SMYD3: variants seen among roughly 807,000 people sequenced by gnomAD.
SMYD3 encodes SET and MYND domain containing 3.
SMYD3 carries 36 observed loss-of-function variants against 57.7 expected under a neutral mutation model. The observed-to-expected ratio is 0.62, with a 90% CI of 0.48 to 0.82. SMYD3 has a LOEUF of 0.82. Among genes scored for constraint, SMYD3 ranks in the 40% least tolerant of loss-of-function variants. The probability of loss-of-function intolerance (pLI) is 0.00; values close to 1 mark genes in which losing one functional copy is unlikely to be tolerated. For synonymous variants in SMYD3, 211 were observed against 195.0 expected (o/e 1.08, Z -0.68); for missense variants, 515 against 538.8 (o/e 0.96, Z 0.44).
At chr1:245,827,749 A>G (rs1257597000) in intron 10 of SMYD3, among the ~76,000 whole-genome samples, 1 of 152,220 alleles carries the variant, frequency 6.6e-6, no homozygotes, top group Admixed American at 6.5e-5. Context: ...TATGCAATCT[A>G]AGAGCTGGGT....
chr1:246,236,087 A>C (rs968159733), intron 5 of SMYD3, among the ~76,000 whole-genome samples: 2 of 152,204 alleles, frequency 1.3e-5, no homozygotes, highest in Non-Finnish European at 2.9e-5. Flanking sequence ...CAGAACACTC[A>C]AACTCTATAC....
chr1:246,450,077 C>T (rs1455584008), intron 1 of SMYD3, among the ~76,000 whole-genome samples: 4 of 152,110 alleles, frequency 2.6e-5, no homozygotes, highest in South Asian at 2.1e-4. Context: ...CACCTGAGGT[C>T]GGGAGTTCGA....
chr1:246,477,056 C>A (rs2068038548), intron 1 of SMYD3, among the ~76,000 whole-genome samples: 1 of 152,214 alleles, frequency 6.6e-6, no homozygotes, highest in Admixed American at 6.5e-5. Context: ...TTAAAGACAT[C>A]TCTGATGTGA....
intron 5 of SMYD3, among the ~76,000 whole-genome samples, chr1:246,049,610 T>C (rs575418775): frequency 6.3e-4 from 96 of 152,266 alleles, no homozygotes; most frequent in Middle Eastern, 3.4e-3. Flanking sequence ...CGGCCCATAC[T>C]ATGTGTTTTA....
At chr1:246,287,895 C>T (rs73142851) in intron 5 of SMYD3, among the ~76,000 whole-genome samples, 1 of 151,914 alleles carries the variant, frequency 6.6e-6, no homozygotes, top group African/African-American at 2.4e-5. Context: ...GGGCTGAAAA[C>T]GGAATGAGAA....
At chr1:246,328,997 A>G (rs997934561) in intron 4 of SMYD3, among the ~76,000 whole-genome samples, 1 of 152,138 alleles carries the variant, frequency 6.6e-6, no homozygotes, top group Non-Finnish European at 1.5e-5. Flanking sequence ...AATTTCATCC[A>G]TGTCCCTACA....
At chr1:246,383,836 T>A (rs1481012393) in intron 1 of SMYD3, among the ~76,000 whole-genome samples, 2 of 152,240 alleles carry the variant, frequency 1.3e-5, no homozygotes. Flanking sequence ...CCAACATGTT[T>A]GTTTCTCCTG....
chr1:246,011,233 G>A (rs939359691), intron 5 of SMYD3, among the ~76,000 whole-genome samples: 1 of 152,136 alleles, frequency 6.6e-6, no homozygotes, highest in Non-Finnish European at 1.5e-5. Flanking sequence ...ATTGCCAAAG[G>A]TTGAAAAACA....
rs377536031 is a variant in SMYD3, at chr1:245,807,821, A to C, written c.1077-43672T>G. ...GTTTGTAATTTCCCAGGGAAAAAAA[A>C]AAAAAACAAAAAACAAAAAAACAGA... is the stretch of plus-strand genomic sequence containing the variant. On this transcript the variant is annotated intron_variant, in intron 10 of 11. Coordinates refer to ENST00000490107, the MANE Select transcript of SMYD3 (RefSeq NM_001167740.2). Among the ~76,000 whole-genome samples, 1,017 of 152,058 alleles carry C rather than the reference A, an allele frequency of 6.7e-3. 10 individuals are homozygous for C. Among genetic ancestry groups the C allele is most frequent in the East Asian group, 0.016 (84 of 5,188 alleles).
At chr1:246,132,782 C>T (rs575144958) in intron 5 of SMYD3, among the ~76,000 whole-genome samples, 1 of 152,118 alleles carries the variant, frequency 6.6e-6, no homozygotes, top group Non-Finnish European at 1.5e-5. Flanking sequence ...CAAAACTCAA[C>T]AACAAAAAAG....
intron 1 of SMYD3, among the ~76,000 whole-genome samples, chr1:246,506,167 C>T (rs1368350709): frequency 6.6e-6 from 1 of 152,256 alleles, no homozygotes; most frequent in Admixed American, 6.5e-5. Context: ...TCGCACTCAT[C>T]TCAAAATAGA....
chr1:245,993,987 C>A (rs1340204725), intron 5 of SMYD3, among the ~76,000 whole-genome samples: 1 of 152,096 alleles, frequency 6.6e-6, no homozygotes, highest in Non-Finnish European at 1.5e-5. Context: ...AATGGAAAAT[C>A]CCCATGGTTA....
intron 9 of SMYD3, 49 bp downstream of exon 9, chr1:245,863,750 C>G (rs376910269): frequency 6.4e-7 from 1 of 1,564,810 alleles, no homozygotes; most frequent in Non-Finnish European, 8.8e-7. Context: ...TTCAAGAAAA[C>G]AAGGAAACAA....
intron 10 of SMYD3, among the ~76,000 whole-genome samples, chr1:245,830,477 A>C (rs149187365): frequency 6.6e-6 from 1 of 152,120 alleles, no homozygotes; most frequent in Non-Finnish European, 1.5e-5. Context: ...TGCCCTTGAC[A>C]TGTGGGGATT....
At chr1:246,173,228 CAA>C (rs2062373614) in intron 5 of SMYD3, among the ~76,000 whole-genome samples, 1 of 151,740 alleles carries the variant, frequency 6.6e-6, no homozygotes, top group African/African-American at 2.4e-5. Flanking sequence ...TAGACTTCAT[CAA>C]CACTACACAC....
At chr1:246,095,013 C>T (rs1333485100) in intron 5 of SMYD3, among the ~76,000 whole-genome samples, 1 of 152,138 alleles carries the variant, frequency 6.6e-6, no homozygotes, top group East Asian at 1.9e-4. Flanking sequence ...TCTTGATCCT[C>T]TTCTGCTCGG....
intron 11 of SMYD3, among the ~76,000 whole-genome samples, chr1:245,756,031 T>C (rs2045589729): frequency 6.6e-6 from 1 of 150,426 alleles, no homozygotes; most frequent in African/African-American, 2.4e-5. Flanking sequence ...TAGAATTTCA[T>C]TCTCTAGTGC....
intron 10 of SMYD3, among the ~76,000 whole-genome samples, chr1:245,771,131 C>T (rs558753818): frequency 6.6e-6 from 1 of 150,722 alleles, no homozygotes; most frequent in Admixed American, 6.6e-5. Context: ...CATATATATA[C>T]ATGTATATAT....
intron 1 of SMYD3, among the ~76,000 whole-genome samples, chr1:246,448,664 T>C (rs1207968775): frequency 7.8e-6 from 1 of 128,850 alleles, no homozygotes; most frequent in East Asian, 2.3e-4. Context: ...CTATCTGTGA[T>C]CATGCCTGGG....
Sources: gnomAD v4.1 joint callset for allele counts (sites outside exome capture counted in the v4.1 genomes callset) on GRCh38, gnomAD v4.1.1 for gene constraint, MANE v1.5 for transcripts, NCBI Gene and HGNC (gene_info 2026-07-23, HGNC 2026-07-21) for gene names.